The following PCDHA3 variants were observed in gnomAD, a reference collection of about 807,000 sequenced individuals.
PCDHA3 encodes protocadherin alpha-3.
In PCDHA3, 41 loss-of-function variants were observed where a neutral mutation model predicts 62.2. The ratio of observed to expected loss-of-function variants is 0.66; its 90% confidence interval spans 0.51 to 0.86. The LOEUF is 0.86. Ranked by LOEUF, PCDHA3 falls within the 40% of genes least tolerant of loss-of-function variation. PCDHA3 has a pLI of 0.00. For synonymous variants in PCDHA3, 640 were observed against 555.4 expected (o/e 1.15, Z -2.14); for missense variants, 1,304 against 1,241.2 (o/e 1.05, Z -0.76).
chr5:140,911,687 G>A (rs1554194873), intron 1 of PCDHA3, among the ~76,000 whole-genome samples: 1 of 152,166 alleles, frequency 6.6e-6, no homozygotes, highest in Non-Finnish European at 1.5e-5. Context: ...CGTGCATCAG[G>A]AGTGTCAAAT....
Position 140,802,874 on chromosome 5 carries a change from C to G in PCDHA3, c.1677C>G (p.Asn559Lys). 7 of 1,613,730 alleles carry G rather than the reference C, an allele frequency of 4.3e-6. No individual in the cohort carries two copies. The highest frequency in any genetic ancestry group is 5.9e-6 in the Non-Finnish European group (7 of 1,179,910). Reference protein sequence around the residue: ...VTLQVFVLDENDNAPALLMPR... With the variant: ...VTLQVFVLDEKDNAPALLMPR... ...TGCAGGTGTTCGTGCTGGACGAGAA[C>G]GACAACGCGCCGGCACTGCTGATGC... Residue 559 changes from asparagine (N) to lysine (K), a missense_variant, in exon 1 of 4, where the codon AAC (asparagine) becomes AAG (lysine). Asn to Lys is a moderately conservative substitution (Grantham distance 94). Transcript: ENST00000522353.
intron 1 of PCDHA3, chr5:140,805,410 G>A: frequency 9.3e-7 from 1 of 1,073,830 alleles, no homozygotes; most frequent in East Asian, 7.2e-5. Flanking sequence ...CAGAAATTTG[G>A]TGGGTTTTTT....
At chr5:140,843,862 A>C in intron 1 of PCDHA3, 1 of 894,130 alleles carries the variant, frequency 1.1e-6, no homozygotes. Flanking sequence ...TAATTAATTG[A>C]ATTTTCTCAG....
At chr5:140,945,001 G>A (rs2093722890) in intron 1 of PCDHA3, among the ~76,000 whole-genome samples, 1 of 151,990 alleles carries the variant, frequency 6.6e-6, no homozygotes, top group African/African-American at 2.4e-5. Context: ...ACGGTTGTGG[G>A]TCATGAATTA....
intron 1 of PCDHA3, chr5:140,968,562 C>G: frequency 6.2e-7 from 1 of 1,614,208 alleles, no homozygotes; most frequent in South Asian, 1.1e-5. Flanking sequence ...CGAACTGCCC[C>G]TGCTGGCTAC....
intron 1 of PCDHA3, chr5:140,882,864 C>T (rs2059340057): frequency 6.2e-7 from 1 of 1,614,200 alleles, no homozygotes; most frequent in East Asian, 2.2e-5. Flanking sequence ...CTGAGGAAAA[C>T]ACTGGACAGA....
At chr5:140,957,386 T>C (rs1461790676) in intron 1 of PCDHA3, among the ~76,000 whole-genome samples, 1 of 152,226 alleles carries the variant, frequency 6.6e-6, no homozygotes, top group Non-Finnish European at 1.5e-5. Context: ...TGTATTGTTA[T>C]AATTGTCCTA....
intron 1 of PCDHA3, chr5:140,804,690 C>A (rs1554123122): frequency 6.1e-6 from 1 of 163,732 alleles, no homozygotes; most frequent in Non-Finnish European, 1.3e-5. Context: ...ATAACCAGAA[C>A]CAAATGAAAT....
intron 1 of PCDHA3, among the ~76,000 whole-genome samples, chr5:140,918,322 A>G (rs538027862): frequency 1.1e-4 from 16 of 152,220 alleles, no homozygotes; most frequent in African/African-American, 2.6e-4. Context: ...GTATAAAATT[A>G]TATTGTCTGC....
intron 3 of PCDHA3, among the ~76,000 whole-genome samples, chr5:140,996,581 A>C (rs1554255228): frequency 6.6e-6 from 1 of 152,118 alleles, no homozygotes; most frequent in Non-Finnish European, 1.5e-5. Flanking sequence ...ATTTGTTAAC[A>C]AGGGCCGCCT....
At position 140,801,795 on chromosome 5, in the gene PCDHA3, T is replaced by A; in HGVS notation, c.598T>A (p.Leu200Ile). 2 of 1,613,922 alleles carry A rather than the reference T, an allele frequency of 1.2e-6. No homozygotes were observed. Among genetic ancestry groups the A allele is most frequent in the Non-Finnish European group, 1.7e-6 (2 of 1,179,986 alleles). Residue 200 changes from leucine to isoleucine, a missense_variant, in exon 1 of 4, where the codon TTA becomes ATA. Leu to Ile is a conservative substitution (Grantham distance 5, BLOSUM62 2). Transcript: ENST00000522353. ...CCTTGGACTCGTGTTGAAAAAAAAT[T>A]TAAATCGAGAGGACACTCCTAAGCA... Reference protein sequence around the residue: ...KSLGLVLKKNLNREDTPKHYL... With the variant: ...KSLGLVLKKNINREDTPKHYL...
At chr5:140,871,533 G>A in intron 1 of PCDHA3, 2 of 1,516,446 alleles carry the variant, frequency 1.3e-6, no homozygotes, top group South Asian at 1.3e-5. Context: ...GGAAGTGTAT[G>A]TGAAATTATT....
chr5:140,810,209 A>G (rs1271368005), intron 1 of PCDHA3: 1 of 152,252 alleles, frequency 6.6e-6, no homozygotes, highest in Non-Finnish European at 1.5e-5. Flanking sequence ...GTACTATTTC[A>G]TAAATATACT....
chr5:140,872,442 C>T (rs1443444144), intron 1 of PCDHA3, among the ~76,000 whole-genome samples: 1 of 152,070 alleles, frequency 6.6e-6, no homozygotes, highest in Non-Finnish European at 1.5e-5. Context: ...GCCTGGACAA[C>T]ATAGCGAGAT....
chr5:140,802,222 A>G lies in PCDHA3; in HGVS notation c.1025A>G (p.Asp342Gly). ...TGCACAGTTCTACTCGAAATTGTGG[A>G]CATCAATGATAATGTACCTGAGTTA... Reference protein sequence around the residue: ...DHCTVLLEIVDINDNVPELVI... With the variant: ...DHCTVLLEIVGINDNVPELVI... Residue 342 changes from aspartate (D) to glycine (G), a missense_variant, in exon 1 of 4, where the codon GAC becomes GGC. Asp to Gly is a moderately conservative substitution (Grantham distance 94). Coordinates refer to ENST00000522353, the MANE Select transcript of PCDHA3 (RefSeq NM_018906.3). The G allele has an allele frequency of 6.2e-7, 1 of 1,614,246 alleles. No homozygotes were observed.
chr5:140,929,170 C>T, intron 1 of PCDHA3: 4 of 1,614,134 alleles, frequency 2.5e-6, no homozygotes, highest in Non-Finnish European at 3.4e-6. Flanking sequence ...TCGGGCCTCT[C>T]TGGGACTTGG....
At chr5:140,984,260 A>G (rs2097093759) in intron 3 of PCDHA3, among the ~76,000 whole-genome samples, 1 of 152,172 alleles carries the variant, frequency 6.6e-6, no homozygotes, top group South Asian at 2.1e-4. Context: ...GTAAGCCACA[A>G]ACTAACTTTG....
intron 3 of PCDHA3, among the ~76,000 whole-genome samples, chr5:140,999,657 C>A (rs1257419150): frequency 6.6e-6 from 1 of 152,156 alleles, no homozygotes; most frequent in Non-Finnish European, 1.5e-5. Flanking sequence ...CTGAGCCCTG[C>A]TGGGTTGCGG....
intron 1 of PCDHA3, chr5:140,851,041 G>A (rs1162904841): frequency 3.6e-6 from 5 of 1,393,834 alleles, no homozygotes; most frequent in Non-Finnish European, 4.7e-6. Context: ...TAACATTGGA[G>A]CCGACTTTGT....
Sources: allele counts gnomAD v4.1 joint callset (sites outside exome capture counted in the v4.1 genomes callset), GRCh38; gene constraint gnomAD v4.1.1; transcripts MANE v1.5; gene names NCBI Gene and HGNC (gene_info 2026-07-23, HGNC 2026-07-21).